Variants in AGAP1 observed in about 807,000 individuals in gnomAD.
AGAP1 encodes the protein ArfGAP with GTPase domain, ankyrin repeat and PH domain 1.
A neutral mutation model predicts 105.3 loss-of-function variants in AGAP1; 29 were observed. The ratio of observed to expected loss-of-function variants is 0.28; its 90% CI spans 0.21 to 0.38. AGAP1 has a LOEUF of 0.38. Ranked by LOEUF, AGAP1 falls within the 10% of genes least tolerant of loss-of-function variation. The pLI, the probability that AGAP1 is intolerant of heterozygous loss-of-function variation, is 1.00. For missense variants in AGAP1, 998 were observed against 1,165.1 expected (o/e 0.86, Z 2.09); for synonymous variants, 509 against 485.9 (o/e 1.05, Z -0.63).
intron 1 of AGAP1, among the ~76,000 whole-genome samples, chr2:235,528,468 A>T (rs1354134552): frequency 6.6e-6 from 1 of 151,664 alleles, no homozygotes; most frequent in Non-Finnish European, 1.5e-5. Flanking sequence ...ACAGAGTGAG[A>T]TGGAAAAATG....
Position 236,119,473 on chromosome 2 carries a change from G to A in AGAP1, c.2115-719G>A, listed in dbSNP as rs986615216. 1.3e-5 allele frequency among the ~76,000 whole-genome samples: 2 copies of A among 152,156 alleles called. No homozygotes were observed. The highest frequency in any genetic ancestry group is 2.9e-5 in the Non-Finnish European group (2 of 68,030). ...TGCCATGTTTTCCTCAGCTGAAAGG[G>A]TTTGGAGACCCTGGGGAGTCCACAC... On this transcript the variant is annotated intron_variant, in intron 16 of 17. Transcript: ENST00000304032. The surrounding 1 kb of genome is among the most constrained non-coding windows in gnomAD (Gnocchi z 6.6).
intron 1 of AGAP1, chr2:235,670,782 G>A (rs1269336462): frequency 8.0e-7 from 1 of 1,246,646 alleles, no homozygotes; most frequent in South Asian, 1.3e-5. Context: ...GACCTGGAGC[G>A]TTGGGAACGC....
At chr2:236,054,277 G>C (rs1235746394) in intron 16 of AGAP1, among the ~76,000 whole-genome samples, 1 of 152,166 alleles carries the variant, frequency 6.6e-6, no homozygotes, top group Non-Finnish European at 1.5e-5. Context: ...TTGATCATAA[G>C]ATCACAATGT....
intron 13 of AGAP1, among the ~76,000 whole-genome samples, chr2:236,031,411 T>C (rs1313705322): frequency 6.6e-6 from 1 of 152,206 alleles, no homozygotes; most frequent in Non-Finnish European, 1.5e-5. Context: ...CATTGCTAGC[T>C]GATCGCAGAT....
Position 235,883,209 on chromosome 2 carries a change from T to A in AGAP1, c.1051-136T>A. ...TCGTATTTGTTGAACTAATGGCATA[T>A]CTTTTAGCATTCGCCAGTATCACAG... On this transcript the variant is annotated intron_variant, in intron 9 of 17. Transcript: ENST00000304032. The surrounding 1 kb of genome is among the most constrained non-coding windows in gnomAD (Gnocchi z 4.5). 1.5e-6 allele frequency: 1 copy of A among 672,304 alleles called. No homozygotes were observed. The highest frequency in any genetic ancestry group is 1.8e-5 in the South Asian group (1 of 57,088). 41.6% of individuals were successfully genotyped at this position (672,304 alleles called of 1,614,324 possible).
At chr2:235,496,124 G>T (rs1472815055) in intron 1 of AGAP1, among the ~76,000 whole-genome samples, 1 of 152,186 alleles carries the variant, frequency 6.6e-6, no homozygotes, top group African/African-American at 2.4e-5. Flanking sequence ...GGAGAAAGTG[G>T]ATGTTGTGTT....
rs577191093 is a variant in AGAP1 at position 236,012,936 on chromosome 2, G to T, written c.1646-23625G>T. Reference sequence around the variant, plus strand: ...TAATTTTTGTATTTTTAGTAGAGACGGTGTTTTGCCATGTTGGCCAGGCTG... The same window carrying T: ...TAATTTTTGTATTTTTAGTAGAGACTGTGTTTTGCCATGTTGGCCAGGCTG... On this transcript the variant is annotated intron_variant, in intron 13 of 17. Transcript: ENST00000304032. This position sits in a 1 kb window ranked among gnomAD's most constrained non-coding sequence, Gnocchi z 4.9. Among the ~76,000 whole-genome samples, 1 of 152,052 alleles carries T rather than the reference G, an allele frequency of 6.6e-6. No individual in the cohort carries two copies. Among genetic ancestry groups the T allele is most frequent in the African/African-American group, 2.4e-5 (1 of 41,404 alleles).
At chr2:236,093,603 A>AT (rs1338059491) in intron 16 of AGAP1, among the ~76,000 whole-genome samples, 6 of 152,232 alleles carry the variant, frequency 3.9e-5, no homozygotes, top group Non-Finnish European at 8.8e-5. Context: ...GGGAGGAGGT[A>AT]TAAGAGGATG....
intron 9 of AGAP1, among the ~76,000 whole-genome samples, chr2:235,853,782 C>G (rs1294736610): frequency 6.6e-6 from 1 of 152,050 alleles, no homozygotes; most frequent in East Asian, 1.9e-4. Context: ...AGGCTGAGAA[C>G]AGACTGGTGT....
rs1024052803 is a variant in AGAP1 at position 236,005,950 on chromosome 2, G to A, written c.1646-30611G>A. On this transcript the variant is annotated intron_variant, in intron 13 of 17. Transcript: ENST00000304032. The surrounding 1 kb of genome is among the most constrained non-coding windows in gnomAD (Gnocchi z 4.1). The stretch of plus-strand genomic sequence containing the variant: ...GCCCATACTGAACTTTTGGAAGGAA[G>A]TCACTGTGCACTTAAGGAGTTGGGC... Among the ~76,000 whole-genome samples the A allele has an allele frequency of 6.6e-6, 1 of 152,204 alleles. No individual in the cohort carries two copies. The highest frequency in any genetic ancestry group is 6.5e-5 in the Admixed American group (1 of 15,292).
intron 1 of AGAP1, among the ~76,000 whole-genome samples, chr2:235,592,010 A>G (rs1476147406): frequency 6.6e-6 from 1 of 152,198 alleles, no homozygotes; most frequent in African/African-American, 2.4e-5. Flanking sequence ...GAGCCAAAAT[A>G]AACCTCTTTT....
Position 235,971,235 on chromosome 2 carries a change from AC to A in AGAP1, c.1645+2613del, listed in dbSNP as rs1418088050. On this transcript the variant is annotated intron_variant, in intron 13 of 17. Coordinates refer to ENST00000304032, the MANE Select transcript of AGAP1 (RefSeq NM_001037131.3). This position sits in a 1 kb window ranked among gnomAD's most constrained non-coding sequence, Gnocchi z 4.8. ...TTACTTATCAGACTACAAATGAGTC[AC>A]TTTTGTGAAAAAGTCTATATTTCAT... 1.3e-5 allele frequency among the ~76,000 whole-genome samples: 2 copies of A among 152,230 alleles called. No homozygotes were observed. The highest frequency in any genetic ancestry group is 6.5e-5 in the Admixed American group (1 of 15,292).
intron 4 of AGAP1, among the ~76,000 whole-genome samples, chr2:235,743,385 T>C (rs1230708335): frequency 6.6e-6 from 1 of 152,104 alleles, no homozygotes; most frequent in African/African-American, 2.4e-5. Flanking sequence ...GCCAGTACTC[T>C]TTATGGGCGC....
rs1952511360 is a variant in AGAP1 at position 235,740,387 on chromosome 2, G to A, written c.311-576G>A. 6.6e-6 allele frequency among the ~76,000 whole-genome samples: 1 copy of A among 152,170 alleles called. No individual in the cohort carries two copies. ...GCTGCTCTGCTGTCTCCACCCGTGC[G>A]GAGGTCCCATCCAGTAGTTTCTGTC... is the stretch of plus-strand genomic sequence containing the variant. On this transcript the variant is annotated intron_variant, in intron 3 of 17. Coordinates refer to ENST00000304032, the MANE Select transcript of AGAP1 (RefSeq NM_001037131.3). The surrounding 1 kb of genome is among the most constrained non-coding windows in gnomAD (Gnocchi z 5.7).
At chr2:236,052,576 G>C (rs1437223955) in intron 16 of AGAP1, among the ~76,000 whole-genome samples, 1 of 152,166 alleles carries the variant, frequency 6.6e-6, no homozygotes. Flanking sequence ...ATGATCAATG[G>C]AAGCTGACGG....
At chr2:236,084,812 G>A (rs943012543) in intron 16 of AGAP1, among the ~76,000 whole-genome samples, 2 of 152,020 alleles carry the variant, frequency 1.3e-5, no homozygotes, top group African/African-American at 4.8e-5. Context: ...GCTGAGGTGG[G>A]AGAATCACTT....
chr2:236,111,557 A>G (rs546846110), intron 16 of AGAP1, among the ~76,000 whole-genome samples: 3 of 152,062 alleles, frequency 2.0e-5, no homozygotes, highest in Admixed American at 6.6e-5. Context: ...ATCCCAGCAC[A>G]AAGCAGGTGG....
chr2:236,059,726 G>T (rs1056282231), intron 16 of AGAP1, among the ~76,000 whole-genome samples: 1 of 152,198 alleles, frequency 6.6e-6, no homozygotes, highest in African/African-American at 2.4e-5. Context: ...CAATGGGGAA[G>T]GAATAGTCTT....
In AGAP1 at chr2:236,096,459, C is replaced by G. The variant is rs1404413324; in HGVS notation, c.2115-23733C>G. ...GAGGTTGCAGTGAGCCAAGATCGCA[C>G]CACTGCACTCCAGCCTTGGGGACAG... On this transcript the variant is annotated intron_variant, in intron 16 of 17. Transcript: ENST00000304032. The surrounding 1 kb of genome is among the most constrained non-coding windows in gnomAD (Gnocchi z 4.4). Among the ~76,000 whole-genome samples, 1 of 151,602 alleles carries G rather than the reference C, an allele frequency of 6.6e-6. No individual in the cohort carries two copies. Among genetic ancestry groups the G allele is most frequent in the Non-Finnish European group, 1.5e-5 (1 of 67,922 alleles).
Sources: allele counts gnomAD v4.1 joint callset (sites outside exome capture counted in the v4.1 genomes callset), GRCh38; gene constraint gnomAD v4.1.1; non-coding constraint Gnocchi (gnomAD v3.1); transcripts MANE v1.5; gene names NCBI Gene and HGNC (gene_info 2026-07-23, HGNC 2026-07-21).